Variants in CTNND2 observed in about 807,000 individuals in gnomAD.
CTNND2 encodes the protein catenin delta 2.
In CTNND2, 22 loss-of-function variants were observed where a neutral mutation model predicts 144.4. The ratio of observed to expected loss-of-function variants is 0.15; its 90% CI spans 0.11 to 0.22. The LOEUF is 0.22. Ranked by LOEUF, CTNND2 falls within the 10% of genes least tolerant of loss-of-function variation. The pLI is 1.00. For missense variants in CTNND2, 1,353 were observed against 1,618.8 expected, an observed-to-expected ratio of 0.84 and a Z score of 2.82; for synonymous variants, 751 against 695.6, an observed-to-expected ratio of 1.08 and a Z score of -1.25.
At chr5:11,728,537 CAAT>C (rs2126734038) in intron 2 of CTNND2, among the ~76,000 whole-genome samples, 1 of 152,130 alleles carries the variant, frequency 6.6e-6, no homozygotes, top group African/African-American at 2.4e-5. Flanking sequence ...ATATTTTGTA[CAAT>C]AAGAAAAACT....
intron 9 of CTNND2, among the ~76,000 whole-genome samples, chr5:11,248,355 A>G (rs1198385257): frequency 1.3e-5 from 2 of 151,806 alleles, no homozygotes; most frequent in African/African-American, 4.8e-5. Context: ...ATATATATAT[A>G]TGTGCATGTG....
intron 3 of CTNND2, among the ~76,000 whole-genome samples, chr5:11,535,072 C>T (rs1212274278): frequency 2.0e-5 from 3 of 151,614 alleles, no homozygotes; most frequent in African/African-American, 7.3e-5. Flanking sequence ...CCTGTAATCC[C>T]ACCTACTTGG....
intron 11 of CTNND2, among the ~76,000 whole-genome samples, chr5:11,197,321 T>A (rs32268): frequency 6.6e-6 from 1 of 152,172 alleles, no homozygotes; most frequent in Non-Finnish European, 1.5e-5. Context: ...AAAACATCTA[T>A]TGAAGTAACA....
intron 9 of CTNND2, among the ~76,000 whole-genome samples, chr5:11,305,703 TTAAG>T: frequency 6.6e-6 from 1 of 152,314 alleles, no homozygotes; most frequent in South Asian, 2.1e-4. Context: ...ACAAACTATG[TTAAG>T]TGTCAGGAAG....
At chr5:11,662,107 ATGTG>A (rs1158481635) in intron 2 of CTNND2, among the ~76,000 whole-genome samples, 3 of 146,976 alleles carry the variant, frequency 2.0e-5, no homozygotes, top group South Asian at 2.1e-4. Flanking sequence ...ACACATATTT[ATGTG>A]TGTGTGTATA....
At chr5:11,110,639 T>A (rs1752871816) in intron 14 of CTNND2, among the ~76,000 whole-genome samples, 1 of 152,148 alleles carries the variant, frequency 6.6e-6, no homozygotes, top group African/African-American at 2.4e-5. Context: ...TTTTCTTTTT[T>A]AAGTAATTTC....
At chr5:11,574,494 T>C (rs182469662) in intron 2 of CTNND2, among the ~76,000 whole-genome samples, 1 of 152,090 alleles carries the variant, frequency 6.6e-6, no homozygotes, top group Non-Finnish European at 1.5e-5. Flanking sequence ...TCAGGAACAA[T>C]ACAGCAAAAA....
At position 11,642,654 on chromosome 5, in the gene CTNND2, A is replaced by C. The variant is rs552341184; in HGVS notation, c.175-77598T>G. 3.3e-5 allele frequency among the ~76,000 whole-genome samples: 5 copies of C among 152,342 alleles called. No homozygotes were observed. The East Asian group carries it at 9.6e-4, about 29-fold the overall frequency. ...TCAAAGGAAGAAGCAGGTTGCCCAC[A>C]AATGTGACGTTGGGGCCACAGATCC... On this transcript the variant is annotated intron_variant, in intron 2 of 21. Coordinates refer to ENST00000304623, the MANE Select transcript of CTNND2 (RefSeq NM_001332.4).
At chr5:11,103,910 G>A (rs191746955) in intron 14 of CTNND2, among the ~76,000 whole-genome samples, 1 of 152,272 alleles carries the variant, frequency 6.6e-6, no homozygotes, top group Admixed American at 6.5e-5. Context: ...GCACTGGGCT[G>A]GGTACTGAGG....
At chr5:11,749,947 T>G (rs1788522062) in intron 1 of CTNND2, among the ~76,000 whole-genome samples, 1 of 152,002 alleles carries the variant, frequency 6.6e-6, no homozygotes, top group Non-Finnish European at 1.5e-5. Flanking sequence ...ATAGCTATGA[T>G]TAGTGCTAAG....
intron 2 of CTNND2, among the ~76,000 whole-genome samples, chr5:11,646,699 T>C (rs1290063915): frequency 6.6e-6 from 1 of 152,230 alleles, no homozygotes; most frequent in African/African-American, 2.4e-5. Context: ...TTTTTGTTCC[T>C]ATCTGCTAAG....
intron 8 of CTNND2, among the ~76,000 whole-genome samples, chr5:11,356,841 A>G (rs1447599551): frequency 6.6e-6 from 1 of 151,988 alleles, no homozygotes; most frequent in Non-Finnish European, 1.5e-5. Context: ...GCAAAAAAAA[A>G]AAAGTTCCGA....
intron 10 of CTNND2, among the ~76,000 whole-genome samples, chr5:11,203,275 C>T (rs1353283278): frequency 2.0e-5 from 3 of 152,104 alleles, no homozygotes; most frequent in African/African-American, 7.2e-5. Flanking sequence ...TATTTATTCT[C>T]CCCCAAAACG....
At chr5:11,767,734 A>T (rs1789678752) in intron 1 of CTNND2, among the ~76,000 whole-genome samples, 1 of 152,100 alleles carries the variant, frequency 6.6e-6, no homozygotes, top group Non-Finnish European at 1.5e-5. Flanking sequence ...GACCACTTTG[A>T]AGAAGAGGCA....
chr5:11,383,730 T>A (rs888521568), intron 7 of CTNND2, among the ~76,000 whole-genome samples: 4 of 152,242 alleles, frequency 2.6e-5, no homozygotes, highest in Admixed American at 2.0e-4. Flanking sequence ...GCACAGCATC[T>A]GTTACTAGAG....
intron 2 of CTNND2, among the ~76,000 whole-genome samples, chr5:11,652,964 C>A (rs1782719137): frequency 6.6e-6 from 1 of 151,994 alleles, no homozygotes; most frequent in South Asian, 2.1e-4. Context: ...AGAGATCATG[C>A]AGCATTTTTC....
chr5:11,792,208 C>T (rs1052629367), intron 1 of CTNND2, among the ~76,000 whole-genome samples: 4 of 151,996 alleles, frequency 2.6e-5, no homozygotes, highest in Non-Finnish European at 4.4e-5. Context: ...TTAGGAAGAA[C>T]TGATAATAAT....
At chr5:11,536,413 G>T (rs1340210856) in intron 3 of CTNND2, among the ~76,000 whole-genome samples, 1 of 151,896 alleles carries the variant, frequency 6.6e-6, no homozygotes, top group Non-Finnish European at 1.5e-5. Context: ...GTACGAAAAA[G>T]ATACTTGCAC....
intron 16 of CTNND2, among the ~76,000 whole-genome samples, chr5:11,055,992 A>G (rs1423379194): frequency 6.6e-6 from 1 of 152,192 alleles, no homozygotes; most frequent in East Asian, 1.9e-4. Context: ...CACACATGGT[A>G]GTGCAGGTTC....
Sources: allele counts gnomAD v4.1 joint callset (sites outside exome capture counted in the v4.1 genomes callset), GRCh38; gene constraint gnomAD v4.1.1; transcripts MANE v1.5; gene names NCBI Gene and HGNC (gene_info 2026-07-23, HGNC 2026-07-21).